The following GPRIN3 variants were observed in gnomAD, a reference collection of about 807,000 sequenced individuals.
GPRIN3 encodes the protein GPRIN family member 3.
GPRIN3 carries 12 observed loss-of-function variants against 13.7 expected under a neutral mutation model. The ratio of observed to expected loss-of-function variants is 0.87; its 90% CI spans 0.56 to 1.42. The LOEUF (loss-of-function observed/expected upper bound fraction) is 1.42. Ranked by LOEUF, GPRIN3 falls within the 40% of genes most tolerant of loss-of-function variation. The pLI, the probability that GPRIN3 is intolerant of heterozygous loss-of-function variation, is 0.00. For synonymous variants in GPRIN3, 377 were observed against 372.7 expected, an observed-to-expected ratio of 1.01 and a Z score of -0.13; for missense variants, 1,009 against 958.7, an observed-to-expected ratio of 1.05 and a Z score of -0.69.
chr4:89,267,700 C>T (rs1293770404), intron 1 of GPRIN3, among the ~76,000 whole-genome samples: 1 of 152,136 alleles, frequency 6.6e-6, no homozygotes, highest in Non-Finnish European at 1.5e-5. Context: ...AATTTAGGAT[C>T]TATTATCTCT....
At chr4:89,275,834 T>A (rs1251181360) in intron 1 of GPRIN3, among the ~76,000 whole-genome samples, 1 of 152,188 alleles carries the variant, frequency 6.6e-6, no homozygotes. Context: ...GGGATACCGA[T>A]CAGATGGGTT....
chr4:89,262,675 A>T (rs1030472639), intron 1 of GPRIN3, among the ~76,000 whole-genome samples: 1 of 152,208 alleles, frequency 6.6e-6, no homozygotes, highest in Non-Finnish European at 1.5e-5. Context: ...AAGCTGGGCA[A>T]TGTGAGTAGT....
At chr4:89,261,929 T>C (rs971430045) in intron 1 of GPRIN3, among the ~76,000 whole-genome samples, 2 of 151,766 alleles carry the variant, frequency 1.3e-5, no homozygotes, top group African/African-American at 4.8e-5. Context: ...CTGGGCAACA[T>C]GGTGAAACCC....
intron 1 of GPRIN3, among the ~76,000 whole-genome samples, chr4:89,305,032 A>G (rs934275752): frequency 2.0e-5 from 3 of 152,224 alleles, no homozygotes; most frequent in African/African-American, 7.2e-5. Context: ...TAGATCCTCA[A>G]AATGAATGCA....
At chr4:89,265,399 C>A (rs1723755187) in intron 1 of GPRIN3, among the ~76,000 whole-genome samples, 2 of 151,992 alleles carry the variant, frequency 1.3e-5, no homozygotes, top group South Asian at 4.2e-4. Context: ...TACAATACCC[C>A]TTTTTGTTTA....
Position 89,241,193 on chromosome 4 carries a change from C to T in GPRIN3, c.*6587G>A, listed in dbSNP as rs1722936232. ...GCCTTTGTGATAATTATGTTACCTACTCAAGGAGATGATAAAAAAAAAACA... is the reference window on the plus strand; with the variant it reads ...GCCTTTGTGATAATTATGTTACCTATTCAAGGAGATGATAAAAAAAAAACA... On this transcript the variant is annotated 3_prime_UTR_variant, in exon 2 of 2. Transcript: ENST00000609438. The T allele has an allele frequency of 1.3e-5, 2 of 150,660 alleles. No homozygotes were observed. Among genetic ancestry groups the T allele is most frequent in the Non-Finnish European group, 2.9e-5 (2 of 67,928 alleles). The allele number at this position is 150,660 out of a possible 1,614,324, so 9.3% of individuals were successfully genotyped here. A position where few individuals can be genotyped will look rare whatever the true frequency, so the allele number is the denominator to read the frequency against.
intron 1 of GPRIN3, among the ~76,000 whole-genome samples, chr4:89,262,783 C>G (rs1057283666): frequency 6.6e-6 from 1 of 152,162 alleles, no homozygotes; most frequent in Non-Finnish European, 1.5e-5. Flanking sequence ...CTTTCTGACT[C>G]CTGTTTATTA....
At chr4:89,268,750 C>T (rs916176209) in intron 1 of GPRIN3, among the ~76,000 whole-genome samples, 4 of 152,164 alleles carry the variant, frequency 2.6e-5, no homozygotes, top group African/African-American at 9.7e-5. Context: ...TGGTTGTGTT[C>T]ATCTCTTTCC....
chr4:89,244,991 A>G lies in GPRIN3; in HGVS notation c.*2789T>C, dbSNP rs1000914027. 1 of 152,246 alleles carries G rather than the reference A, an allele frequency of 6.6e-6. No individual in the cohort carries two copies. Among genetic ancestry groups the G allele is most frequent in the African/African-American group, 2.4e-5 (1 of 41,478 alleles). 9.4% of individuals were successfully genotyped at this position (152,246 alleles called of 1,614,324 possible). On this transcript the variant is annotated 3_prime_UTR_variant, in exon 2 of 2. Transcript: ENST00000609438. ...ACTGAGCAAGTTCCAAGAGTCTACC[A>G]AGAAAACTGTTTTGCAGCTTCATCT...
At chr4:89,255,182 T>G (rs1441254200) in intron 1 of GPRIN3, among the ~76,000 whole-genome samples, 1 of 151,840 alleles carries the variant, frequency 6.6e-6, no homozygotes, top group African/African-American at 2.4e-5. Flanking sequence ...CTCCTTGGAT[T>G]AGAATATCAG....
chr4:89,274,979 A>T (rs1724052430), intron 1 of GPRIN3, among the ~76,000 whole-genome samples: 1 of 152,150 alleles, frequency 6.6e-6, no homozygotes, highest in South Asian at 2.1e-4. Context: ...CTGACAGGTA[A>T]ATGAGGAGGC....
intron 1 of GPRIN3, among the ~76,000 whole-genome samples, chr4:89,267,281 T>A (rs943132888): frequency 2.6e-5 from 4 of 152,198 alleles, no homozygotes; most frequent in African/African-American, 7.2e-5. Context: ...GAGAAGGGTG[T>A]TCCTCTCTGC....
At position 89,249,467 on chromosome 4, in the gene GPRIN3, G is replaced by C; in HGVS notation, c.644C>G (p.Pro215Arg). The change falls in exon 2 of 2, where the codon CCT becomes CGT. Residue 215 changes from proline to arginine, a missense_variant. Pro to Arg is a moderately radical substitution (Grantham distance 103, BLOSUM62 -2). Transcript: ENST00000609438. ...CCTTTCCCCTTCAGGTCCACCTACA[G>C]GAGAGGATGAGTGACTGACCACCCT... ...AARVVSHSSS[P>R]VGGPEGERQG... The C allele has an allele frequency of 6.2e-7, 1 of 1,614,116 alleles. No homozygotes were observed. Among genetic ancestry groups the C allele is most frequent in the South Asian group, 1.1e-5 (1 of 91,078 alleles).
chr4:89,257,203 G>T (rs1339693543), intron 1 of GPRIN3, among the ~76,000 whole-genome samples: 1 of 152,270 alleles, frequency 6.6e-6, no homozygotes, highest in East Asian at 1.9e-4. Context: ...CAATTATAAT[G>T]GTTACTTTAA....
At chr4:89,260,086 C>T (rs527824425) in intron 1 of GPRIN3, among the ~76,000 whole-genome samples, 23 of 152,268 alleles carry the variant, frequency 1.5e-4, no homozygotes, top group Admixed American at 7.8e-4. Flanking sequence ...GGATTACAGG[C>T]GTGAGCCACC....
In GPRIN3 at chr4:89,249,485, A is replaced by G. The variant is rs375129584; in HGVS notation, c.626T>C (p.Val209Ala). The G allele has an allele frequency of 8.3e-5, 134 of 1,613,938 alleles. No individual in the cohort carries two copies. Among genetic ancestry groups the G allele is most frequent in the Non-Finnish European group, 1.1e-4 (128 of 1,180,010 alleles). ...ACCTACAGGAGAGGATGAGTGACTGACCACCCTGGCTGCTGTCACTGGAGT... is the reference window on the plus strand; with the variant it reads ...ACCTACAGGAGAGGATGAGTGACTGGCCACCCTGGCTGCTGTCACTGGAGT... ...VQTPVTAARV[V>A]SHSSSPVGGP... The change falls in exon 2 of 2, where the codon GTC becomes GCC. Residue 209 changes from valine (V) to alanine (A), a missense_variant. By Grantham distance (64) the Val-to-Ala change is moderately conservative. Coordinates refer to ENST00000609438, the MANE Select transcript of GPRIN3 (RefSeq NM_198281.3).
intron 1 of GPRIN3, among the ~76,000 whole-genome samples, chr4:89,272,583 T>C (rs1723988050): frequency 6.6e-6 from 1 of 152,226 alleles, no homozygotes; most frequent in South Asian, 2.1e-4. Flanking sequence ...ATGTTTCTAA[T>C]TGTTTTAAAA....
rs1185098965 is a variant in GPRIN3 at position 89,242,539 on chromosome 4, T to C, written c.*5241A>G. 6.6e-6 allele frequency: 1 copy of C among 152,230 alleles called. No individual in the cohort carries two copies. Among genetic ancestry groups the C allele is most frequent in the Non-Finnish European group, 1.5e-5 (1 of 68,042 alleles). 9.4% of individuals were successfully genotyped at this position (152,230 alleles called of 1,614,324 possible). A position where few individuals can be genotyped will look rare whatever the true frequency, so the allele number is the denominator to read the frequency against. ...ACATAGATGCCAACTGTATCCTGAC[T>C]AATGCTCATTAGTGCTGTACCTCTT... On this transcript the variant is annotated 3_prime_UTR_variant, in exon 2 of 2. Transcript: ENST00000609438.
intron 1 of GPRIN3, among the ~76,000 whole-genome samples, chr4:89,274,985 G>T (rs143743979): frequency 3.8e-4 from 58 of 152,310 alleles, no homozygotes; most frequent in Admixed American, 5.9e-4. Context: ...GGTAAATGAG[G>T]AGGCTTGGAT....
Sources: allele counts gnomAD v4.1 joint callset (sites outside exome capture counted in the v4.1 genomes callset), GRCh38; gene constraint gnomAD v4.1.1; transcripts MANE v1.5; gene names NCBI Gene and HGNC (gene_info 2026-07-23, HGNC 2026-07-21).